The following SEC14L1 variants were observed in gnomAD, a reference collection of about 807,000 sequenced individuals.
The protein encoded by SEC14L1 is SEC14 like lipid binding 1.
A neutral mutation model predicts 85.3 loss-of-function variants in SEC14L1; 48 were observed. The observed-to-expected ratio is 0.56, with a 90% confidence interval of 0.45 to 0.72. The LOEUF (loss-of-function observed/expected upper bound fraction) is 0.72, where lower values mean the gene tolerates loss of function less well. Among genes scored for constraint, SEC14L1 ranks in the 30% least tolerant of loss-of-function variants. The pLI, the probability that SEC14L1 is intolerant of heterozygous loss-of-function variation, is 0.00. For missense variants in SEC14L1, 682 were observed against 921.4 expected, an observed-to-expected ratio of 0.74 and a Z score of 3.36; for synonymous variants, 391 against 355.5, an observed-to-expected ratio of 1.10 and a Z score of -1.12.
chr17:77,198,000 T>C (rs1975903590), intron 8 of SEC14L1, among the ~76,000 whole-genome samples: 1 of 152,264 alleles, frequency 6.6e-6, no homozygotes, highest in African/African-American at 2.4e-5. Context: ...TACTATTTCT[T>C]GTCATACTGA....
chr17:77,163,034 G>A (rs908871115), intron 3 of SEC14L1, among the ~76,000 whole-genome samples: 2 of 152,008 alleles, frequency 1.3e-5, no homozygotes, highest in Non-Finnish European at 2.9e-5. Flanking sequence ...GTATGCCATC[G>A]GCCAATAGGA....
At chr17:77,107,689 G>A (rs899103997) in intron 3 of SEC14L1, among the ~76,000 whole-genome samples, 1 of 152,170 alleles carries the variant, frequency 6.6e-6, no homozygotes, top group African/African-American at 2.4e-5. Context: ...GATTCCCGGT[G>A]ACGTAAAGGT....
intron 8 of SEC14L1, chr17:77,199,005 C>CT (rs570875410): frequency 0.24 from 31,611 of 133,886 alleles, 4,378 homozygotes; most frequent in East Asian, 0.43. Context: ...CGTCTTCTTT[C>CT]TTTTTTTTTT....
chr17:77,105,808 G>A (rs747286961), intron 3 of SEC14L1, among the ~76,000 whole-genome samples: 4 of 152,112 alleles, frequency 2.6e-5, no homozygotes, highest in Non-Finnish European at 5.9e-5. Context: ...GCACAGGTGG[G>A]ATTTATGTTA....
intron 3 of SEC14L1, among the ~76,000 whole-genome samples, chr17:77,123,874 T>G (rs1209171618): frequency 6.6e-6 from 1 of 152,212 alleles, no homozygotes; most frequent in Non-Finnish European, 1.5e-5. Context: ...ACGGATGCCA[T>G]GTAGACGGTC....
rs370163642 is a variant in SEC14L1, at chr17:77,206,903, G to A, written c.1476+41G>A. On this transcript the variant is annotated intron_variant, in intron 13 of 16. Coordinates refer to ENST00000436233, the MANE Select transcript of SEC14L1 (RefSeq NM_001143998.2). The surrounding 1 kb of genome is among the most constrained non-coding windows in gnomAD (Gnocchi z 4.3). ...AGGAACTGCACATTTGGCCCCTTAT[G>A]CAGGTGGGAGAGGTCGGTGTCGATT... The A allele has an allele frequency of 1.0e-5, 15 of 1,466,472 alleles. No homozygotes were observed. Among genetic ancestry groups the A allele is most frequent in the African/African-American group, 1.4e-5 (1 of 70,038 alleles). 90.8% of individuals were successfully genotyped at this position (1,466,472 alleles called of 1,614,324 possible).
intron 9 of SEC14L1, 151 bp from the exon 10 acceptor site, chr17:77,203,419 C>A: frequency 1.5e-6 from 1 of 662,478 alleles, no homozygotes; most frequent in Non-Finnish European, 2.6e-6. Context: ...CCCCCTATCA[C>A]ACAAATCAGT....
Position 77,143,738 on chromosome 17 carries a change from T to C in SEC14L1, c.63+79T>C, listed in dbSNP as rs576273995. 759 of 1,040,684 alleles carry C rather than the reference T, an allele frequency of 7.3e-4. 2 individuals carry two copies. The highest frequency in any genetic ancestry group is 1.0e-3 in the Non-Finnish European group (703 of 678,436). The allele number at this position is 1,040,684 out of a possible 1,614,324, so 64.5% of individuals were successfully genotyped here. On this transcript the variant is annotated intron_variant, in intron 3 of 16. Transcript: ENST00000436233. ...TGTTAGAATTTGATGATCTATAGATTTATTGTTCGTCTCCATGGCATCACT... is the reference window on the plus strand; with the variant it reads ...TGTTAGAATTTGATGATCTATAGATCTATTGTTCGTCTCCATGGCATCACT...
At chr17:77,110,115 G>T (rs115952392) in intron 3 of SEC14L1, among the ~76,000 whole-genome samples, 54 of 152,258 alleles carry the variant, frequency 3.5e-4, no homozygotes, top group African/African-American at 1.3e-3. Flanking sequence ...TTTTCATTGA[G>T]GAACATTCTT....
chr17:77,106,941 C>T (rs1014813345), intron 3 of SEC14L1, among the ~76,000 whole-genome samples: 9 of 152,184 alleles, frequency 5.9e-5, no homozygotes, highest in African/African-American at 1.9e-4. Context: ...TGCTGACTCC[C>T]CATGAATGCT....
At chr17:77,154,258 G>T (rs1041831262) in intron 3 of SEC14L1, among the ~76,000 whole-genome samples, 1 of 152,158 alleles carries the variant, frequency 6.6e-6, no homozygotes, top group Non-Finnish European at 1.5e-5. Context: ...ATCACTTGAG[G>T]CCAGTAGTTT....
chr17:77,185,028 C>T (rs1253880894), intron 3 of SEC14L1, among the ~76,000 whole-genome samples: 1 of 152,168 alleles, frequency 6.6e-6, no homozygotes, highest in Non-Finnish European at 1.5e-5. Flanking sequence ...AATCTACTGA[C>T]CTTAACATAT....
chr17:77,194,653 C>A, intron 6 of SEC14L1, 24 bp from the exon 7 acceptor site: 1 of 1,581,532 alleles, frequency 6.3e-7, no homozygotes, highest in East Asian at 2.2e-5. Flanking sequence ...ATATACTCAC[C>A]TTTAAATTGG....
chr17:77,101,852 C>T (rs557643973), intron 3 of SEC14L1, among the ~76,000 whole-genome samples: 2 of 152,288 alleles, frequency 1.3e-5, no homozygotes, highest in South Asian at 4.1e-4. Context: ...TTTAAACCAG[C>T]GTCCTGTGTT....
Position 77,214,799 on chromosome 17 carries a change from C to T in SEC14L1, c.*776C>T, listed in dbSNP as rs183237480. The T allele has an allele frequency of 2.2e-4, 219 of 985,490 alleles. No homozygotes were observed. The African/African-American group carries it at 3.5e-3, about 16-fold the overall frequency. The allele number at this position is 985,490 out of a possible 1,614,324, so 61.0% of individuals were successfully genotyped here. On this transcript the variant is annotated 3_prime_UTR_variant, in exon 17 of 17. Coordinates refer to ENST00000436233, the MANE Select transcript of SEC14L1 (RefSeq NM_001143998.2). ...TGGGGGGGTTCTTCCCGTTTCCTTC[C>T]GTGCGTCGCCCCTCTCACCTGCAGT...
At chr17:77,144,274 T>C (rs1351768160) in intron 3 of SEC14L1, among the ~76,000 whole-genome samples, 1 of 152,134 alleles carries the variant, frequency 6.6e-6, no homozygotes, top group Non-Finnish European at 1.5e-5. Context: ...TACCAGAAAA[T>C]ATAATACAGA....
chr17:77,123,604 C>G (rs965064948), intron 3 of SEC14L1, among the ~76,000 whole-genome samples: 13 of 151,166 alleles, frequency 8.6e-5, no homozygotes, highest in Non-Finnish European at 1.9e-4. Flanking sequence ...TTTGTAGAGA[C>G]AGAGGTCTCA....
At chr17:77,112,611 C>T (rs186481601) in intron 3 of SEC14L1, among the ~76,000 whole-genome samples, 99 of 152,202 alleles carry the variant, frequency 6.5e-4, no homozygotes, top group East Asian at 4.1e-3. Context: ...GGCGGCCAGG[C>T]GTGGTGGCTC....
intron 9 of SEC14L1, among the ~76,000 whole-genome samples, chr17:77,202,648 A>C (rs1976212988): frequency 6.6e-6 from 1 of 152,008 alleles, no homozygotes; most frequent in Admixed American, 6.6e-5. Flanking sequence ...GGCCCAGCAC[A>C]GTGGCTCACG....
Sources: allele counts gnomAD v4.1 joint callset (sites outside exome capture counted in the v4.1 genomes callset), GRCh38; gene constraint gnomAD v4.1.1; non-coding constraint Gnocchi (gnomAD v3.1); transcripts MANE v1.5; gene names NCBI Gene and HGNC (gene_info 2026-07-23, HGNC 2026-07-21).